Variants in RANBP17 observed in about 807,000 individuals in gnomAD.
The protein encoded by RANBP17 is ran-binding protein 17.
RANBP17 carries 158 observed loss-of-function variants against 141.2 expected under a neutral mutation model. The observed-to-expected ratio is 1.12, with a 90% CI of 0.98 to 1.28. The LOEUF (loss-of-function observed/expected upper bound fraction) is 1.28. Among genes scored for constraint, RANBP17 ranks in the 50% most tolerant of loss-of-function variants. RANBP17 has a pLI of 0.00. For missense variants in RANBP17, 1,438 were observed against 1,290.7 expected, an observed-to-expected ratio of 1.11 and a Z score of -1.75; for synonymous variants, 430 against 450.0, an observed-to-expected ratio of 0.96 and a Z score of 0.56.
intron 1 of RANBP17, among the ~76,000 whole-genome samples, chr5:170,876,394 A>G (rs2127344767): frequency 6.6e-6 from 1 of 151,610 alleles, no homozygotes; most frequent in Non-Finnish European, 1.5e-5. Context: ...CTATTTTTGT[A>G]TTTCTTACCT....
intron 25 of RANBP17, among the ~76,000 whole-genome samples, chr5:171,275,817 C>A (rs1010263243): frequency 2.0e-5 from 3 of 151,966 alleles, no homozygotes; most frequent in Admixed American, 6.6e-5. Context: ...CCCCTACCCC[C>A]ACCCCTCACA....
At chr5:171,224,730 C>T (rs1380428131) in intron 22 of RANBP17, among the ~76,000 whole-genome samples, 1 of 152,144 alleles carries the variant, frequency 6.6e-6, no homozygotes, top group African/African-American at 2.4e-5. Context: ...AAAGAAAAGC[C>T]AGTAAGGAGT....
intron 14 of RANBP17, among the ~76,000 whole-genome samples, chr5:170,986,887 A>G (rs1185699080): frequency 6.6e-6 from 1 of 151,884 alleles, no homozygotes; most frequent in Non-Finnish European, 1.5e-5. Flanking sequence ...AAGGAAATAG[A>G]AAAACATTTC....
chr5:171,178,859 G>T (rs910553168), intron 16 of RANBP17, among the ~76,000 whole-genome samples: 3 of 152,106 alleles, frequency 2.0e-5, no homozygotes, highest in Non-Finnish European at 4.4e-5. Flanking sequence ...CCCACTTTTT[G>T]ATGGGGTTGT....
intron 14 of RANBP17, among the ~76,000 whole-genome samples, chr5:171,089,730 G>A (rs976991732): frequency 3.3e-5 from 5 of 152,136 alleles, no homozygotes; most frequent in African/African-American, 7.2e-5. Context: ...TTCCAGGTGC[G>A]TTCGTCACCC....
chr5:171,273,781 T>C lies in RANBP17; in HGVS notation c.2943+7934T>C, dbSNP rs150852000. ...TCACAGCCAACCCAAACAGCACTGC[T>C]ACAGTGATATTTTTATTTCCATCTG... On this transcript the variant is annotated intron_variant, in intron 25 of 27. Coordinates refer to ENST00000523189, the MANE Select transcript of RANBP17 (RefSeq NM_022897.5). 3.0e-3 allele frequency among the ~76,000 whole-genome samples: 460 copies of C among 152,328 alleles called. 2 individuals are homozygous for C. Among genetic ancestry groups the C allele is most frequent in the African/African-American group, 0.011 (437 of 41,580 alleles).
intron 14 of RANBP17, among the ~76,000 whole-genome samples, chr5:171,082,402 G>A (rs1785312431): frequency 6.6e-6 from 1 of 152,130 alleles, no homozygotes. Flanking sequence ...GTAATTAACT[G>A]CTAAGCTTGT....
intron 20 of RANBP17, among the ~76,000 whole-genome samples, chr5:171,208,408 G>C (rs114394384): frequency 1.1e-4 from 17 of 152,216 alleles, no homozygotes; most frequent in African/African-American, 3.9e-4. Context: ...TTGCCCCTAT[G>C]ATGGGAATGC....
At chr5:170,913,839 T>G (rs892976687) in intron 7 of RANBP17, among the ~76,000 whole-genome samples, 6 of 152,082 alleles carry the variant, frequency 3.9e-5, no homozygotes, top group Admixed American at 3.9e-4. Flanking sequence ...TATTGTAAGC[T>G]TTTTAGTACT....
At chr5:171,130,423 T>C (rs1390632780) in intron 14 of RANBP17, among the ~76,000 whole-genome samples, 3 of 133,986 alleles carry the variant, frequency 2.2e-5, no homozygotes, top group Non-Finnish European at 3.2e-5. Context: ...CAGAATACTT[T>C]AAAAAGACTT....
intron 14 of RANBP17, among the ~76,000 whole-genome samples, chr5:171,013,118 A>G (rs1455349327): frequency 6.6e-6 from 1 of 152,192 alleles, no homozygotes. Flanking sequence ...CACTGCTGCA[A>G]TAATACTGAT....
chr5:171,191,694 AAAAAAG>A (rs1561749038), intron 18 of RANBP17, among the ~76,000 whole-genome samples: 2 of 152,142 alleles, frequency 1.3e-5, no homozygotes, highest in East Asian at 3.8e-4. Flanking sequence ...CTCAAAAAAA[AAAAAAG>A]AAAAGAAAAC....
intron 14 of RANBP17, among the ~76,000 whole-genome samples, chr5:171,124,418 A>T (rs1422003223): frequency 6.6e-6 from 1 of 152,176 alleles, no homozygotes; most frequent in Non-Finnish European, 1.5e-5. Flanking sequence ...GAAGAGATGG[A>T]AAAGTCATAG....
chr5:170,996,920 A>C (rs1342356509), intron 14 of RANBP17, among the ~76,000 whole-genome samples: 1 of 152,178 alleles, frequency 6.6e-6, no homozygotes, highest in Non-Finnish European at 1.5e-5. Flanking sequence ...GTGTCTAGAA[A>C]GGTGATTAAA....
intron 21 of RANBP17, among the ~76,000 whole-genome samples, chr5:171,221,206 T>C (rs1581056150): frequency 1.3e-5 from 2 of 152,352 alleles, no homozygotes; most frequent in Admixed American, 1.3e-4. Context: ...ATGAGATTTG[T>C]TTCTCTTTAC....
chr5:171,297,846 CTTTTTTTTTTTTTT>C (rs71310040), intron 27 of RANBP17, among the ~76,000 whole-genome samples: 2 of 67,472 alleles, frequency 3.0e-5, no homozygotes, highest in Non-Finnish European at 5.8e-5. Flanking sequence ...CCAATAAATT[CTTTTTTTTTTTTTT>C]TTTTTTTTTT....
chr5:171,070,240 A>T (rs550127971), intron 14 of RANBP17, among the ~76,000 whole-genome samples: 1 of 152,290 alleles, frequency 6.6e-6, no homozygotes, highest in East Asian at 1.9e-4. Context: ...TCCTGATTTT[A>T]CGGGTGAGAA....
At chr5:171,226,429 T>C (rs1021036014) in intron 22 of RANBP17, among the ~76,000 whole-genome samples, 1 of 152,242 alleles carries the variant, frequency 6.6e-6, no homozygotes, top group Non-Finnish European at 1.5e-5. Flanking sequence ...TTCTAAACTT[T>C]AAAAATGGAT....
At position 170,929,950 on chromosome 5, in the gene RANBP17, A is replaced by C. The variant is rs182311527; in HGVS notation, c.1468+5400A>C. Among the ~76,000 whole-genome samples the C allele has an allele frequency of 9.4e-4, 143 of 152,214 alleles. 2 individuals carry two copies. Among genetic ancestry groups the C allele is most frequent in the African/African-American group, 3.4e-3 (141 of 41,532 alleles). On this transcript the variant is annotated intron_variant, in intron 12 of 27. Coordinates refer to ENST00000523189, the MANE Select transcript of RANBP17 (RefSeq NM_022897.5). ...TTGTGTCTTTCAAGGAATTTACTCA[A>C]TGTTTCAATGTATTGGAATAAAACT...
Sources: gnomAD v4.1 joint callset for allele counts (sites outside exome capture counted in the v4.1 genomes callset) on GRCh38, gnomAD v4.1.1 for gene constraint, MANE v1.5 for transcripts, NCBI Gene and HGNC (gene_info 2026-07-23, HGNC 2026-07-21) for gene names.